Variants in MIER1 observed in about 807,000 individuals in gnomAD.
MIER1 encodes the protein MIER1 transcriptional regulator.
MIER1 carries 40 observed loss-of-function variants against 75.7 expected under a neutral mutation model. The ratio of observed to expected loss-of-function variants is 0.53; its 90% CI spans 0.41 to 0.69. The LOEUF is 0.69. Ranked by LOEUF, MIER1 falls within the 30% of genes least tolerant of loss-of-function variation. MIER1 has a pLI of 0.00. For synonymous variants in MIER1, 213 were observed against 223.4 expected, an observed-to-expected ratio of 0.95 and a Z score of 0.42; for missense variants, 574 against 680.2, an observed-to-expected ratio of 0.84 and a Z score of 1.74.
chr1:66,933,467 A>C (rs1263641924), intron 2 of MIER1, among the ~76,000 whole-genome samples: 1 of 152,206 alleles, frequency 6.6e-6, no homozygotes, highest in Non-Finnish European at 1.5e-5. Context: ...AGTACTTTCA[A>C]AGAGGGTATA....
In MIER1 at chr1:66,958,237, A is replaced by G; in HGVS notation, c.501+17A>G. ...GAAAATAAAGTAAGTCTATATACAT[A>G]TATTTAAGATTGTAGTCTTTATTCT... is the stretch of plus-strand genomic sequence containing the variant. On this transcript the variant is annotated intron_variant, in intron 5 of 13. Coordinates refer to ENST00000401041, the MANE Select transcript of MIER1 (RefSeq NM_001077700.3). The G allele has an allele frequency of 1.9e-6, 3 of 1,561,694 alleles. No homozygotes were observed. Among genetic ancestry groups the G allele is most frequent in the Non-Finnish European group, 2.6e-6 (3 of 1,144,326 alleles).
At chr1:66,942,423 A>G (rs1429608573) in intron 3 of MIER1, among the ~76,000 whole-genome samples, 3 of 152,208 alleles carry the variant, frequency 2.0e-5, no homozygotes, top group Admixed American at 6.5e-5. Flanking sequence ...AAAAGTGATT[A>G]AATGAGTAGA....
At chr1:66,941,308 T>C (rs1189717532) in intron 3 of MIER1, among the ~76,000 whole-genome samples, 1 of 152,214 alleles carries the variant, frequency 6.6e-6, no homozygotes, top group Non-Finnish European at 1.5e-5. Context: ...TTTCTGAAAC[T>C]CAATTTTTTT....
At chr1:66,941,461 G>GA (rs920556387) in intron 3 of MIER1, among the ~76,000 whole-genome samples, 1 of 151,672 alleles carries the variant, frequency 6.6e-6, no homozygotes, top group African/African-American at 2.4e-5. Context: ...TGTTTTCATA[G>GA]AAAAAATAGA....
rs115486725 is a variant in MIER1 at position 66,959,417 on chromosome 1, T to C, written c.635-262T>C. Reference sequence around the variant, plus strand: ...TGAAATATGTAGTAAGATAATATTATCTTTATTCTAAATCAGTTTTTTCCC... The same window carrying C: ...TGAAATATGTAGTAAGATAATATTACCTTTATTCTAAATCAGTTTTTTCCC... On this transcript the variant is annotated intron_variant, in intron 6 of 13. Transcript: ENST00000401041. Among the ~76,000 whole-genome samples the C allele has an allele frequency of 2.4e-3, 363 of 152,312 alleles. 2 individuals carry two copies. Among genetic ancestry groups the C allele is most frequent in the African/African-American group, 7.9e-3 (328 of 41,578 alleles).
intron 8 of MIER1, among the ~76,000 whole-genome samples, chr1:66,968,085 A>T (rs1425871599): frequency 6.6e-6 from 1 of 152,176 alleles, no homozygotes; most frequent in Non-Finnish European, 1.5e-5. Context: ...ATGCATATGT[A>T]ATTTTTTTCA....
intron 2 of MIER1, among the ~76,000 whole-genome samples, chr1:66,934,594 C>T (rs1181334256): frequency 1.4e-5 from 2 of 139,932 alleles, no homozygotes; most frequent in African/African-American, 5.4e-5. Flanking sequence ...TTTGTGGAGA[C>T]AGGGTCTCGA....
chr1:66,968,560 A>G (rs986411534), intron 8 of MIER1, among the ~76,000 whole-genome samples: 4 of 152,102 alleles, frequency 2.6e-5, no homozygotes, highest in African/African-American at 9.7e-5. Flanking sequence ...TATCTTGGAG[A>G]GACATTGACA....
intron 4 of MIER1, chr1:66,947,507 A>C (rs1252481746): frequency 2.6e-5 from 4 of 152,136 alleles, no homozygotes; most frequent in Admixed American, 2.6e-4. Flanking sequence ...TTTCTAAATA[A>C]ACCTATCATT....
At chr1:66,957,641 G>C (rs1660435690) in intron 4 of MIER1, among the ~76,000 whole-genome samples, 1 of 118,294 alleles carries the variant, frequency 8.5e-6, no homozygotes, top group Admixed American at 1.1e-4. Context: ...ATTTTCGTCT[G>C]CCTTTCTGGG....
intron 4 of MIER1, among the ~76,000 whole-genome samples, chr1:66,950,874 C>T (rs976655493): frequency 6.6e-6 from 1 of 152,126 alleles, no homozygotes; most frequent in Admixed American, 6.5e-5. Context: ...TCCCTTAGGC[C>T]TTTTTGGCTG....
chr1:66,946,756 C>T (rs1657747853), intron 4 of MIER1: 4 of 985,596 alleles, frequency 4.1e-6, no homozygotes, highest in Non-Finnish European at 4.8e-6. Context: ...ATCAAGGTGA[C>T]CAGTGAACTT....
At chr1:66,982,602 AAAGT>A (rs1402495696) in intron 13 of MIER1, among the ~76,000 whole-genome samples, 2 of 152,204 alleles carry the variant, frequency 1.3e-5, no homozygotes, top group Non-Finnish European at 2.9e-5. Context: ...TTCCAAGAAG[AAAGT>A]AATAAGCGCC....
At chr1:66,963,777 G>A (rs1198558693) in intron 8 of MIER1, among the ~76,000 whole-genome samples, 8 of 151,824 alleles carry the variant, frequency 5.3e-5, no homozygotes, top group African/African-American at 1.5e-4. Flanking sequence ...GCGTCGTGGC[G>A]CGCACCTGTA....
intron 8 of MIER1, among the ~76,000 whole-genome samples, chr1:66,968,626 T>C (rs569954949): frequency 3.1e-4 from 47 of 152,334 alleles, no homozygotes; most frequent in South Asian, 1.7e-3. Flanking sequence ...AGATTATATA[T>C]TCTTCATTGG....
At chr1:66,952,448 T>G (rs1659189588) in intron 4 of MIER1, among the ~76,000 whole-genome samples, 1 of 152,220 alleles carries the variant, frequency 6.6e-6, no homozygotes, top group African/African-American at 2.4e-5. Flanking sequence ...GTTTATAGCA[T>G]CAGAATTTGG....
At chr1:66,935,181 T>A (rs1654481037) in intron 2 of MIER1, among the ~76,000 whole-genome samples, 2 of 152,198 alleles carry the variant, frequency 1.3e-5, no homozygotes, top group Non-Finnish European at 1.5e-5. Flanking sequence ...CTCTCTCAAA[T>A]TATAGTCTTC....
intron 2 of MIER1, among the ~76,000 whole-genome samples, chr1:66,930,620 G>A (rs922027471): frequency 2.0e-5 from 3 of 151,974 alleles, no homozygotes; most frequent in Admixed American, 6.5e-5. Context: ...TGGACTTCGG[G>A]GGCAGTTTGA....
At chr1:66,964,762 T>TC (rs1662037260) in intron 8 of MIER1, among the ~76,000 whole-genome samples, 3 of 152,206 alleles carry the variant, frequency 2.0e-5, no homozygotes, top group Admixed American at 2.0e-4. Flanking sequence ...GTATGTGTGC[T>TC]TTTAATGAGT....
Sources: gnomAD v4.1 joint callset for allele counts (sites outside exome capture counted in the v4.1 genomes callset) on GRCh38, gnomAD v4.1.1 for gene constraint, MANE v1.5 for transcripts, NCBI Gene and HGNC (gene_info 2026-07-23, HGNC 2026-07-21) for gene names.